Variants in SHFL observed in about 807,000 individuals in gnomAD.
The protein encoded by SHFL is shiftless antiviral inhibitor of ribosomal frameshifting protein.
SHFL carries 12 observed loss-of-function variants against 34.7 expected under a neutral mutation model. The ratio of observed to expected loss-of-function variants is 0.35; its 90% CI spans 0.22 to 0.56. SHFL has a LOEUF of 0.56. SHFL is among the 20% of genes least tolerant of loss of function. SHFL has a pLI of 0.88. For missense variants in SHFL, 278 were observed against 411.1 expected, an observed-to-expected ratio of 0.68 and a Z score of 2.80; for synonymous variants, 148 against 156.0, an observed-to-expected ratio of 0.95 and a Z score of 0.38.
rs1182512118 is a variant in SHFL, at chr19:10,089,247, A to T, written c.196-410A>T. 7 of 1,535,154 alleles carry T rather than the reference A, an allele frequency of 4.6e-6. No homozygotes were observed. In the Admixed American group the frequency reaches 1.1e-4, roughly 24 times the overall value. Reference sequence around the variant, plus strand: ...CAGGGGGCAGGGAGTGGCTTGCCCAAGTCCCCACAGCTGGAAGTGATACAG... The same window carrying T: ...CAGGGGGCAGGGAGTGGCTTGCCCATGTCCCCACAGCTGGAAGTGATACAG... On this transcript the variant is annotated intron_variant, in intron 3 of 7. Coordinates refer to ENST00000253110, the MANE Select transcript of SHFL (RefSeq NM_018381.4).
rs763408710 is a variant in SHFL, at chr19:10,091,577, G to A, written c.590G>A (p.Arg197His). The change falls in exon 7 of 8, where the codon CGC becomes CAC. Residue 197 changes from arginine to histidine, a missense_variant. Transcript: ENST00000253110. This position sits in a 1 kb window ranked among gnomAD's most constrained non-coding sequence, Gnocchi z 8.2. ...LPPRWDRDPD[R>H]RSTHTHSCSA... The stretch of plus-strand genomic sequence containing the variant: ...CCGCGCTGGGACCGGGACCCGGATC[G>A]CCGCAGCACCCACACTCACTCCTGC... 10 of 1,551,362 alleles carry A rather than the reference G, an allele frequency of 6.4e-6. No homozygotes were observed. In the East Asian group the frequency reaches 7.3e-5, roughly 11 times the overall value.
At position 10,092,288 on chromosome 19, in the gene SHFL, G is replaced by A. The variant is rs377508816; in HGVS notation, c.862G>A (p.Gly288Arg). ...EEEEVEDEEG[G>R]PRE ...GGAGGAGGTGGAGGACGAGGAGGGCGGGCCCAGGGAGTGACCCCTGCCAGG... is the reference window on the plus strand; with the variant it reads ...GGAGGAGGTGGAGGACGAGGAGGGCAGGCCCAGGGAGTGACCCCTGCCAGG... The change falls in exon 8 of 8, where the codon GGG becomes AGG. Residue 288 changes from glycine (G) to arginine (R), a missense_variant. Physicochemically the swap from Gly to Arg is moderately radical, Grantham distance 125. Transcript: ENST00000253110. 50 of 1,581,328 alleles carry A rather than the reference G, an allele frequency of 3.2e-5. No homozygotes were observed. The highest frequency in any genetic ancestry group is 3.3e-4 in the Middle Eastern group (2 of 6,016).
At chr19:10,089,187 G>C (rs763748182) in intron 3 of SHFL, 1 of 940,340 alleles carries the variant, frequency 1.1e-6, no homozygotes, top group South Asian at 1.4e-5. Flanking sequence ...CCTGGAGTCA[G>C]AGCCTGGGCT....
Position 10,092,661 on chromosome 19 carries a change from G to A in SHFL, c.*359G>A. The stretch of plus-strand genomic sequence containing the variant: ...ATGCCCCACCACGAAACTCAGCCCA[G>A]TAGACACCATCCTGGTAGCGGCTTC... On this transcript the variant is annotated 3_prime_UTR_variant, in exon 8 of 8. Coordinates refer to ENST00000253110, the MANE Select transcript of SHFL (RefSeq NM_018381.4). 6.2e-7 allele frequency: 1 copy of A among 1,613,728 alleles called. No homozygotes were observed. The highest frequency in any genetic ancestry group is 8.5e-7 in the Non-Finnish European group (1 of 1,179,740).
In SHFL at chr19:10,092,101, C is replaced by A. The variant is rs1347864991; in HGVS notation, c.675C>A (p.His225Gln). The A allele has an allele frequency of 6.2e-7, 1 of 1,613,818 alleles. No homozygotes were observed. The highest frequency in any genetic ancestry group is 8.5e-7 in the Non-Finnish European group (1 of 1,179,790). ...EPHVPGTSCAHPKSRKQNHLP... is the reference protein window; with the variant it reads ...EPHVPGTSCAQPKSRKQNHLP... ...ACGTGCCTGGGACATCCTGTGCTCA[C>A]CCCAAGAGCCGGAAGCAGAACCACC... The change falls in exon 8 of 8, where the codon CAC (histidine) becomes CAA (glutamine). Residue 225 changes from histidine to glutamine, a missense_variant. By Grantham distance (24) the His-to-Gln change is conservative. Around this residue, in one of 2 missense-constraint regions of SHFL, gnomAD observed 243 missense variants for 386.2 expected, o/e 0.63. Coordinates refer to ENST00000253110, the MANE Select transcript of SHFL (RefSeq NM_018381.4).
chr19:10,087,406 C>T (rs778059402), intron 3 of SHFL, 106 bp downstream of exon 3: 28 of 1,215,094 alleles, frequency 2.3e-5, no homozygotes, highest in Non-Finnish European at 3.3e-5. Context: ...ACAGGAGGGA[C>T]CAGGCATTGT....
chr19:10,086,793 G>A lies in SHFL; in HGVS notation c.22-136G>A. Reference sequence around the variant, plus strand: ...GCTTTTTCCAGGAAATGCCGTAAAGGGATGAAAGGCGGGGGGGGGGCGGCG... The same window carrying A: ...GCTTTTTCCAGGAAATGCCGTAAAGAGATGAAAGGCGGGGGGGGGGCGGCG... On this transcript the variant is annotated intron_variant, in intron 1 of 7. Coordinates refer to ENST00000253110, the MANE Select transcript of SHFL (RefSeq NM_018381.4). This position sits in a 1 kb window ranked among gnomAD's most constrained non-coding sequence, Gnocchi z 5.2. 1 of 1,113,032 alleles carries A rather than the reference G, an allele frequency of 9.0e-7. No individual in the cohort carries two copies. The highest frequency in any genetic ancestry group is 2.6e-5 in the East Asian group (1 of 38,308). The allele number at this position is 1,113,032 out of a possible 1,614,324, so 68.9% of individuals were successfully genotyped here. A position where few individuals can be genotyped will look rare whatever the true frequency, so the allele number is the denominator to read the frequency against.
intron 5 of SHFL, chr19:10,090,288 T>C (rs1426633722): frequency 1.1e-5 from 6 of 543,456 alleles, no homozygotes; most frequent in African/African-American, 7.6e-5. Context: ...TGACCCACAA[T>C]TGAACAGCTA....
In SHFL at chr19:10,090,056, C is replaced by T. The variant is rs778737923; in HGVS notation, c.384+9C>T. Reference sequence around the variant, plus strand: ...TGCCCCAGCGGAAGGAGGTGATGACCTAAAACTTAACCTCGACTTTGACTG... The same window carrying T: ...TGCCCCAGCGGAAGGAGGTGATGACTTAAAACTTAACCTCGACTTTGACTG... On this transcript the variant is annotated intron_variant, in intron 5 of 7. Coordinates refer to ENST00000253110, the MANE Select transcript of SHFL (RefSeq NM_018381.4). The T allele has an allele frequency of 3.1e-6, 5 of 1,596,666 alleles. No homozygotes were observed. Among genetic ancestry groups the T allele is most frequent in the Middle Eastern group, 3.3e-4 (2 of 6,048 alleles).
At position 10,086,992 on chromosome 19, in the gene SHFL, G is replaced by T; in HGVS notation, c.85G>T (p.Gly29Trp). The change falls in exon 2 of 8, where the codon GGG becomes TGG. Residue 29 changes from glycine to tryptophan, a missense_variant. Physicochemically the swap from Gly to Trp is radical, Grantham distance 184 (BLOSUM62 -2). Transcript: ENST00000253110. This position sits in a 1 kb window ranked among gnomAD's most constrained non-coding sequence, Gnocchi z 5.2. ...FHGKVSSKKA[G>W]ALMRKFGSDH... is the part of the protein sequence containing the mutation. Reference sequence around the variant, plus strand: ...TGGGAAGGTATCCTCCAAGAAGGCGGGGGCTCTGATGAGGAAATTCGGCAG... The same window carrying T: ...TGGGAAGGTATCCTCCAAGAAGGCGTGGGCTCTGATGAGGAAATTCGGCAG... 6.2e-7 allele frequency: 1 copy of T among 1,613,664 alleles called. No individual in the cohort carries two copies. The highest frequency in any genetic ancestry group is 8.5e-7 in the Non-Finnish European group (1 of 1,179,748).
rs2088430087 is a variant in SHFL at position 10,092,960 on chromosome 19, T to TAATAGCCTTAATTCCTTCCCTTA, written c.*679_*680insTAAATAGCCTTAATTCCTTCCCT. 5.6e-6 allele frequency: 3 copies of TAATAGCCTTAATTCCTTCCCTTA among 531,900 alleles called. No homozygotes were observed. In the South Asian group the frequency reaches 1.1e-4, roughly 19 times the overall value. The allele number at this position is 531,900 out of a possible 1,614,324, so 32.9% of individuals were successfully genotyped here. ...CCTGGCCCCCCAACTTTCTTCAGAG[T>TAATAGCCTTAATTCCTTCCCTTA]AATAGCCTTAATTCCTTCCCTATCT... On this transcript the variant is annotated 3_prime_UTR_variant, in exon 8 of 8. Coordinates refer to ENST00000253110, the MANE Select transcript of SHFL (RefSeq NM_018381.4).
chr19:10,091,847 T>C lies in SHFL; in HGVS notation c.643+217T>C. ...AGGGTCCCCATGGCCTCTGCCCCCATGGTCTCTGGGTTTGGGGCCCCTGTT... is the reference window on the plus strand; with the variant it reads ...AGGGTCCCCATGGCCTCTGCCCCCACGGTCTCTGGGTTTGGGGCCCCTGTT... On this transcript the variant is annotated intron_variant, in intron 7 of 7. Transcript: ENST00000253110. The surrounding 1 kb of genome is among the most constrained non-coding windows in gnomAD (Gnocchi z 8.2). 2 of 886,260 alleles carry C rather than the reference T, an allele frequency of 2.3e-6. No homozygotes were observed. The highest frequency in any genetic ancestry group is 1.8e-5 in the South Asian group (1 of 54,530). The allele number at this position is 886,260 out of a possible 1,614,324, so 54.9% of individuals were successfully genotyped here. A position where few individuals can be genotyped will look rare whatever the true frequency, so the allele number is the denominator to read the frequency against.
chr19:10,090,852 A>G (rs1217684202), intron 5 of SHFL, among the ~76,000 whole-genome samples: 1 of 151,670 alleles, frequency 6.6e-6, no homozygotes, highest in Non-Finnish European at 1.5e-5. Flanking sequence ...AGGCTGCAGT[A>G]AGCCATGATC....
chr19:10,089,723 G>A, intron 4 of SHFL, 28 bp downstream of exon 4: 2 of 1,588,782 alleles, frequency 1.3e-6, no homozygotes, highest in Non-Finnish European at 8.6e-7. Flanking sequence ...GCTTGGGATG[G>A]GGGAGTTGGG....
rs1055950881 is a variant in SHFL, at chr19:10,086,808, G to GC, written c.22-121_22-120insC. The GC allele has an allele frequency of 8.4e-7, 1 of 1,196,528 alleles. No individual in the cohort carries two copies. Among genetic ancestry groups the GC allele is most frequent in the Non-Finnish European group, 1.2e-6 (1 of 856,612 alleles). The allele number at this position is 1,196,528 out of a possible 1,614,324, so 74.1% of individuals were successfully genotyped here. Reference sequence around the variant, plus strand: ...TGCCGTAAAGGGATGAAAGGCGGGGGGGGGGCGGCGGAGGCCAAAACCAAG... The same window carrying GC: ...TGCCGTAAAGGGATGAAAGGCGGGGGCGGGGGCGGCGGAGGCCAAAACCAAG... On this transcript the variant is annotated intron_variant, in intron 1 of 7. Transcript: ENST00000253110. This position sits in a 1 kb window ranked among gnomAD's most constrained non-coding sequence, Gnocchi z 5.2.
At position 10,086,812 on chromosome 19, in the gene SHFL, G is replaced by GGC. The variant is rs1555752567; in HGVS notation, c.22-115_22-114dup. ...GTAAAGGGATGAAAGGCGGGGGGGG[G>GGC]GCGGCGGAGGCCAAAACCAAGGGTC... On this transcript the variant is annotated intron_variant, in intron 1 of 7. Transcript: ENST00000253110. The surrounding 1 kb of genome is among the most constrained non-coding windows in gnomAD (Gnocchi z 5.2). The GGC allele has an allele frequency of 3.1e-4, 377 of 1,210,118 alleles. 1 individual carries two copies. The highest frequency in any genetic ancestry group is 7.0e-4 in the Middle Eastern group (3 of 4,284). 75.0% of individuals were successfully genotyped at this position (1,210,118 alleles called of 1,614,324 possible).
At position 10,086,326 on chromosome 19, in the gene SHFL, C is replaced by A. The variant is rs540408167; in HGVS notation, c.-102C>A. The A allele has an allele frequency of 1.7e-5, 18 of 1,090,590 alleles. No homozygotes were observed. The highest frequency in any genetic ancestry group is 6.6e-4 in the Middle Eastern group (2 of 3,038). The allele number at this position is 1,090,590 out of a possible 1,614,324, so 67.6% of individuals were successfully genotyped here. On this transcript the variant is annotated 5_prime_UTR_variant, in exon 1 of 8. Coordinates refer to ENST00000253110, the MANE Select transcript of SHFL (RefSeq NM_018381.4). The surrounding 1 kb of genome is among the most constrained non-coding windows in gnomAD (Gnocchi z 5.2). ...GGGCGGAGCCGGCCCCGAGGCACCG[C>A]CCCCTGCCCTGCGCGGCTGCTGGAC...
In SHFL at chr19:10,092,616, G is replaced by T; in HGVS notation, c.*314G>T. 1 of 1,610,740 alleles carries T rather than the reference G, an allele frequency of 6.2e-7. No homozygotes were observed. The highest frequency in any genetic ancestry group is 1.3e-5 in the African/African-American group (1 of 74,994). On this transcript the variant is annotated 3_prime_UTR_variant, in exon 8 of 8. Transcript: ENST00000253110. ...ACAGCTTCAGGGGCCGAATGAGCAT[G>T]GCGGCCTTCCTGAGAGAATATGCCC...
At chr19:10,088,651 A>G (rs1195340408) in intron 3 of SHFL, among the ~76,000 whole-genome samples, 1 of 151,646 alleles carries the variant, frequency 6.6e-6, no homozygotes, top group African/African-American at 2.4e-5. Context: ...TATGATAAAA[A>G]TGATAGCAGA....
Sources: allele counts gnomAD v4.1 joint callset (sites outside exome capture counted in the v4.1 genomes callset), GRCh38; gene constraint gnomAD v4.1.1; regional missense constraint gnomAD v4.1.1; non-coding constraint Gnocchi (gnomAD v3.1); transcripts MANE v1.5; gene names NCBI Gene and HGNC (gene_info 2026-07-23, HGNC 2026-07-21).